The following MRPL1 variants were observed in gnomAD, a reference collection of about 807,000 sequenced individuals.
MRPL1 encodes the protein mitochondrial ribosomal protein L1.
MRPL1 carries 28 observed loss-of-function variants against 38.0 expected under a neutral mutation model. The ratio of observed to expected loss-of-function variants is 0.74; its 90% CI spans 0.55 to 1.01. MRPL1 has a LOEUF of 1.01. Ranked by LOEUF, MRPL1 falls within the 50% of genes least tolerant of loss-of-function variation. The pLI is 0.00. For missense variants in MRPL1, 358 were observed against 389.8 expected, an observed-to-expected ratio of 0.92 and a Z score of 0.69; for synonymous variants, 123 against 126.7, an observed-to-expected ratio of 0.97 and a Z score of 0.20.
chr4:77,869,562 C>T (rs1735229230), intron 1 of MRPL1, among the ~76,000 whole-genome samples: 2 of 149,820 alleles, frequency 1.3e-5, no homozygotes, highest in African/African-American at 2.5e-5. Context: ...AGTGGTTTTG[C>T]TTGCTTGCTT....
chr4:77,948,730 CT>C (rs575862294), intron 7 of MRPL1, among the ~76,000 whole-genome samples: 5 of 151,304 alleles, frequency 3.3e-5, no homozygotes, highest in Non-Finnish European at 5.9e-5. Flanking sequence ...TAAATTTTGC[CT>C]GTTAAGCTAC....
intron 2 of MRPL1, among the ~76,000 whole-genome samples, chr4:77,879,281 T>TAACA (rs1189640511): frequency 6.6e-6 from 1 of 152,212 alleles, no homozygotes; most frequent in Admixed American, 6.5e-5. Context: ...AGAAATTTGT[T>TAACA]AAATTGCAGT....
intron 7 of MRPL1, among the ~76,000 whole-genome samples, chr4:77,947,550 T>G (rs2110268627): frequency 6.6e-6 from 1 of 152,290 alleles, no homozygotes; most frequent in East Asian, 1.9e-4. Context: ...CCTGCCTCCG[T>G]AAGACCACAA....
rs1321968360 is a variant in MRPL1, at chr4:77,887,071, G to A, written c.487-149G>A. On this transcript the variant is annotated intron_variant, in intron 4 of 8. Transcript: ENST00000315567. ...CCCAAACTTCTGGGATTACCAGTGA[G>A]AGCCACTGCATCCAGCCACATTTTC... 9 of 682,536 alleles carry A rather than the reference G, an allele frequency of 1.3e-5. No individual in the cohort carries two copies. In the East Asian group the frequency reaches 1.4e-4, roughly 11 times the overall value. 42.3% of individuals were successfully genotyped at this position (682,536 alleles called of 1,614,324 possible).
At chr4:77,877,842 C>T (rs906352923) in intron 2 of MRPL1, among the ~76,000 whole-genome samples, 1 of 151,474 alleles carries the variant, frequency 6.6e-6, no homozygotes, top group Non-Finnish European at 1.5e-5. Context: ...TTCTTTCTCC[C>T]TTCCATCGTT....
At chr4:77,938,140 A>G (rs1478467077) in intron 7 of MRPL1, among the ~76,000 whole-genome samples, 3 of 152,354 alleles carry the variant, frequency 2.0e-5, no homozygotes, top group African/African-American at 4.8e-5. Context: ...TGTTTTTGTA[A>G]AGAAAGTTTT....
intron 7 of MRPL1, among the ~76,000 whole-genome samples, chr4:77,917,541 C>T (rs936284145): frequency 3.3e-5 from 5 of 151,854 alleles, no homozygotes; most frequent in African/African-American, 1.2e-4. Flanking sequence ...GTAAAATTAT[C>T]GTTAGCTCAT....
chr4:77,890,861 A>C (rs7661064), intron 5 of MRPL1, among the ~76,000 whole-genome samples: 32,836 of 152,132 alleles, frequency 0.22, 4,338 homozygotes, highest in African/African-American at 0.37. Context: ...GGGAGGAGAA[A>C]GTAGACAGGA....
intron 7 of MRPL1, among the ~76,000 whole-genome samples, chr4:77,924,118 C>G (rs534485819): frequency 6.6e-6 from 1 of 152,016 alleles, no homozygotes; most frequent in Non-Finnish European, 1.5e-5. Context: ...TTTCTCTCAG[C>G]TGGAAATTAT....
At chr4:77,926,758 G>A (rs1446903160) in intron 7 of MRPL1, among the ~76,000 whole-genome samples, 2 of 151,824 alleles carry the variant, frequency 1.3e-5, no homozygotes, top group Non-Finnish European at 2.9e-5. Context: ...ACAGGCGCAT[G>A]CCACCGTGCC....
At chr4:77,924,354 T>G (rs1361268801) in intron 7 of MRPL1, among the ~76,000 whole-genome samples, 1 of 152,176 alleles carries the variant, frequency 6.6e-6, no homozygotes, top group Non-Finnish European at 1.5e-5. Context: ...CTTTCAAGTT[T>G]GAAAAAATTA....
chr4:77,862,964 G>C, intron 1 of MRPL1, 85 bp downstream of exon 1: 1 of 1,544,822 alleles, frequency 6.5e-7, no homozygotes, highest in Non-Finnish European at 8.9e-7. Flanking sequence ...ATTCTGCTCT[G>C]GGTGCTGAAA....
chr4:77,932,295 C>T (rs558001109), intron 7 of MRPL1, among the ~76,000 whole-genome samples: 1 of 152,270 alleles, frequency 6.6e-6, no homozygotes, highest in African/African-American at 2.4e-5. Context: ...TAGCCAGGGC[C>T]TCCTTTCTCC....
At chr4:77,952,171 CCA>C (rs1245298592) in intron 8 of MRPL1, among the ~76,000 whole-genome samples, 1 of 152,072 alleles carries the variant, frequency 6.6e-6, no homozygotes, top group Admixed American at 6.6e-5. Context: ...TCTGATTCAC[CCA>C]CAGTTGGGTA....
At chr4:77,887,431 T>A in intron 5 of MRPL1, 140 bp downstream of exon 5, 2 of 698,320 alleles carry the variant, frequency 2.9e-6, no homozygotes, top group East Asian at 2.8e-5. Context: ...AGGAAAAAAA[T>A]TTCCAACTTT....
chr4:77,871,871 T>A lies in MRPL1; in HGVS notation c.143+16T>A, dbSNP rs909656977. 28 of 1,471,668 alleles carry A rather than the reference T, an allele frequency of 1.9e-5. No individual in the cohort carries two copies. Among genetic ancestry groups the A allele is most frequent in the Non-Finnish European group, 2.4e-5 (26 of 1,064,362 alleles). 91.2% of individuals were successfully genotyped at this position (1,471,668 alleles called of 1,614,324 possible). A position where few individuals can be genotyped will look rare whatever the true frequency, so the allele number is the denominator to read the frequency against. ...CTGCTACAAAGTAAGTATTTTTTTT[T>A]AGTTATTATTTCATTTGTTGTCATT... On this transcript the variant is annotated intron_variant, in intron 2 of 8. Coordinates refer to ENST00000315567, the MANE Select transcript of MRPL1 (RefSeq NM_020236.4).
intron 7 of MRPL1, among the ~76,000 whole-genome samples, chr4:77,935,664 G>A (rs1208871316): frequency 2.0e-5 from 3 of 152,182 alleles, no homozygotes; most frequent in Non-Finnish European, 2.9e-5. Flanking sequence ...CCAAAGTGCT[G>A]GGATTACAGG....
chr4:77,927,717 C>T (rs1736746792), intron 7 of MRPL1, among the ~76,000 whole-genome samples: 1 of 151,762 alleles, frequency 6.6e-6, no homozygotes, highest in Admixed American at 6.6e-5. Flanking sequence ...CTTTAAAGTA[C>T]AATATATAAA....
At chr4:77,929,194 G>A (rs1182920507) in intron 7 of MRPL1, among the ~76,000 whole-genome samples, 1 of 152,222 alleles carries the variant, frequency 6.6e-6, no homozygotes, top group Non-Finnish European at 1.5e-5. Context: ...AGGAGGCTGA[G>A]CAAGAGGATC....
Sources: gnomAD v4.1 joint callset for allele counts (sites outside exome capture counted in the v4.1 genomes callset) on GRCh38, gnomAD v4.1.1 for gene constraint, MANE v1.5 for transcripts, NCBI Gene and HGNC (gene_info 2026-07-23, HGNC 2026-07-21) for gene names.